SMARCAD1: variants seen among roughly 807,000 people sequenced by gnomAD.
SMARCAD1 encodes SNF2 related chromatin remodeling ATPase with DExD box 1.
A neutral mutation model predicts 127.1 loss-of-function variants in SMARCAD1; 25 were observed. The observed-to-expected ratio is 0.20, with a 90% confidence interval of 0.14 to 0.27. The LOEUF (loss-of-function observed/expected upper bound fraction) is 0.27, where lower values mean the gene tolerates loss of function less well. SMARCAD1 is among the 10% of genes least tolerant of loss of function. The pLI, the probability that SMARCAD1 is intolerant of heterozygous loss-of-function variation, is 1.00. For missense variants in SMARCAD1, 807 were observed against 1,206.0 expected (o/e 0.67, Z 4.90); for synonymous variants, 400 against 396.9 (o/e 1.01, Z -0.09).
intron 16 of SMARCAD1, 75 bp downstream of exon 16, chr4:94,277,234 T>C: frequency 7.1e-6 from 11 of 1,549,032 alleles, no homozygotes; most frequent in Non-Finnish European, 9.8e-6. Context: ...TTAGGTCTCT[T>C]TTGTTGTTTT....
At chr4:94,254,687 A>C (rs1477079359) in intron 9 of SMARCAD1, among the ~76,000 whole-genome samples, 1 of 152,124 alleles carries the variant, frequency 6.6e-6, no homozygotes, top group Non-Finnish European at 1.5e-5. Context: ...CCATCCATCC[A>C]AATGTGAAAT....
At chr4:94,277,409 A>G (rs555133714) in intron 16 of SMARCAD1, among the ~76,000 whole-genome samples, 49 of 152,344 alleles carry the variant, frequency 3.2e-4, no homozygotes, top group African/African-American at 9.6e-4. Flanking sequence ...TGACGATTTT[A>G]AATTGATGAA....
chr4:94,287,089 C>T (rs1386891779), intron 23 of SMARCAD1, among the ~76,000 whole-genome samples: 1 of 152,138 alleles, frequency 6.6e-6, no homozygotes, highest in Non-Finnish European at 1.5e-5. Flanking sequence ...TGGTCTTGAT[C>T]TCCTGACCTC....
chr4:94,227,060 A>T (rs1231343247), intron 3 of SMARCAD1, among the ~76,000 whole-genome samples: 1 of 152,094 alleles, frequency 6.6e-6, no homozygotes, highest in African/African-American at 2.4e-5. Context: ...AATTGAGAAG[A>T]CAGTGCTTAA....
chr4:94,269,556 G>T (rs1752238016), intron 10 of SMARCAD1, among the ~76,000 whole-genome samples: 1 of 151,688 alleles, frequency 6.6e-6, no homozygotes, highest in Admixed American at 6.6e-5. Context: ...TTTTTAAAGG[G>T]TTAAATGAGG....
intron 6 of SMARCAD1, among the ~76,000 whole-genome samples, chr4:94,248,244 T>C (rs28573143): frequency 0.028 from 4,297 of 152,324 alleles, 184 homozygotes; most frequent in African/African-American, 0.098. Context: ...TTCATTCATG[T>C]TGTGGTGTGT....
intron 9 of SMARCAD1, among the ~76,000 whole-genome samples, chr4:94,258,668 T>C (rs1199396535): frequency 6.6e-6 from 1 of 152,176 alleles, no homozygotes; most frequent in Non-Finnish European, 1.5e-5. Flanking sequence ...ATGAATAACA[T>C]AGTGAAGCTA....
At chr4:94,220,388 C>T (rs1438112119) in intron 2 of SMARCAD1, among the ~76,000 whole-genome samples, 1 of 152,152 alleles carries the variant, frequency 6.6e-6, no homozygotes, top group Non-Finnish European at 1.5e-5. Context: ...GCTGGGACTA[C>T]AGGCGTGTGC....
chr4:94,281,216 A>G (rs1307801072), intron 20 of SMARCAD1, among the ~76,000 whole-genome samples: 6 of 152,218 alleles, frequency 3.9e-5, no homozygotes, highest in Admixed American at 2.6e-4. Flanking sequence ...AAAGGAAGTA[A>G]TTTAACTGTT....
chr4:94,268,917 A>G (rs1051918781), intron 10 of SMARCAD1, among the ~76,000 whole-genome samples: 1 of 152,226 alleles, frequency 6.6e-6, no homozygotes, highest in Non-Finnish European at 1.5e-5. Context: ...TAAAATGTCT[A>G]TGATAACATG....
intron 23 of SMARCAD1, among the ~76,000 whole-genome samples, chr4:94,285,400 T>TGA (rs1452642879): frequency 2.0e-5 from 3 of 152,230 alleles, no homozygotes; most frequent in African/African-American, 7.2e-5. Context: ...TGTGTGTGTG[T>TGA]GACCAGTTAT....
chr4:94,275,166 C>T (rs1010960400), intron 14 of SMARCAD1, among the ~76,000 whole-genome samples: 1 of 152,040 alleles, frequency 6.6e-6, no homozygotes, highest in African/African-American at 2.4e-5. Context: ...TGAATCACCT[C>T]ATTAATGGTG....
chr4:94,264,306 A>G (rs911317099), intron 9 of SMARCAD1, among the ~76,000 whole-genome samples: 5 of 151,974 alleles, frequency 3.3e-5, no homozygotes, highest in East Asian at 1.9e-4. Flanking sequence ...TGCAGTGACT[A>G]CATTTGATAC....
Position 94,233,994 on chromosome 4 carries a change from A to C in SMARCAD1, c.409A>C (p.Thr137Pro). ...SEDEESQGLP[T>P]MARRNDDISE... ...AGATGAAGAGTCCCAAGGCCTTCCT[A>C]CCATGGCACGTAGAAATGATGATAT... Residue 137 changes from threonine to proline, a missense_variant, in exon 4 of 24, where the codon ACC becomes CCC. Physicochemically the swap from Thr to Pro is conservative, Grantham distance 38. Coordinates refer to ENST00000354268, the MANE Select transcript of SMARCAD1 (RefSeq NM_020159.5). 5.0e-6 allele frequency: 8 copies of C among 1,613,798 alleles called. No individual in the cohort carries two copies. The highest frequency in any genetic ancestry group is 6.8e-6 in the Non-Finnish European group (8 of 1,179,782).
chr4:94,263,371 A>G (rs1215779867), intron 9 of SMARCAD1, among the ~76,000 whole-genome samples: 1 of 152,114 alleles, frequency 6.6e-6, no homozygotes, highest in Non-Finnish European at 1.5e-5. Context: ...ACTGCTGCTT[A>G]TGAATAGATC....
At chr4:94,276,765 T>C (rs571178586) in intron 15 of SMARCAD1, among the ~76,000 whole-genome samples, 1 of 152,292 alleles carries the variant, frequency 6.6e-6, no homozygotes, top group South Asian at 2.1e-4. Context: ...ATAAATAATC[T>C]TTCATCATCT....
chr4:94,260,295 A>G (rs1202253752), intron 9 of SMARCAD1, among the ~76,000 whole-genome samples: 1 of 152,166 alleles, frequency 6.6e-6, no homozygotes, highest in Non-Finnish European at 1.5e-5. Context: ...TTGATGCTAC[A>G]TGTCTGGATC....
At chr4:94,244,679 T>C (rs920430017) in intron 6 of SMARCAD1, among the ~76,000 whole-genome samples, 2 of 152,176 alleles carry the variant, frequency 1.3e-5, no homozygotes, top group African/African-American at 4.8e-5. Flanking sequence ...CAAAAATGTA[T>C]GGATGGCTGC....
intron 8 of SMARCAD1, among the ~76,000 whole-genome samples, 191 bp from the exon 9 acceptor site, chr4:94,252,425 G>C (rs1749417074): frequency 6.6e-6 from 1 of 152,124 alleles, no homozygotes; most frequent in African/African-American, 2.4e-5. Flanking sequence ...GTTATCACCT[G>C]CTTTTGAAAC....
Sources: gnomAD v4.1 joint callset for allele counts (sites outside exome capture counted in the v4.1 genomes callset) on GRCh38, gnomAD v4.1.1 for gene constraint, MANE v1.5 for transcripts, NCBI Gene and HGNC (gene_info 2026-07-23, HGNC 2026-07-21) for gene names.